The following CORIN variants were observed in gnomAD, a reference collection of about 807,000 sequenced individuals.
CORIN encodes atrial natriuretic peptide-converting enzyme.
CORIN carries 117 observed loss-of-function variants against 125.3 expected under a neutral mutation model. The observed-to-expected ratio is 0.93, with a 90% CI of 0.80 to 1.09. The LOEUF is 1.09. Among genes scored for constraint, CORIN ranks in the 50% least tolerant of loss-of-function variants. The probability of loss-of-function intolerance (pLI) is 0.00; values close to 1 mark genes in which losing one functional copy is unlikely to be tolerated. For missense variants in CORIN, 1,253 were observed against 1,306.7 expected (o/e 0.96, Z 0.63); for synonymous variants, 450 against 466.4 (o/e 0.96, Z 0.45).
At chr4:47,688,180 G>A (rs901048888) in intron 6 of CORIN, among the ~76,000 whole-genome samples, 7 of 152,114 alleles carry the variant, frequency 4.6e-5, no homozygotes, top group Non-Finnish European at 8.8e-5. Flanking sequence ...AGCTGTCTAC[G>A]CAATCCAGCT....
rs532012454 is a variant in CORIN at position 47,759,829 on chromosome 4, T to C, written c.617+3550A>G. Among the ~76,000 whole-genome samples the C allele has an allele frequency of 4.9e-4, 75 of 152,358 alleles. No homozygotes were observed. In the South Asian group the frequency reaches 5.2e-3, roughly 11 times the overall value. ...CATCCATTCAAGTTTGATCATGAGA[T>C]TGTAGCAATTCAGTCACATCTTTAG... On this transcript the variant is annotated intron_variant, in intron 4 of 21. Transcript: ENST00000273857.
chr4:47,792,707 G>C (rs1206530025), intron 2 of CORIN, among the ~76,000 whole-genome samples: 2 of 152,164 alleles, frequency 1.3e-5, no homozygotes, highest in African/African-American at 4.8e-5. Context: ...CTTGCTTCAA[G>C]TTCAAGGCTA....
chr4:47,735,777 G>A (rs1560525778), intron 5 of CORIN, among the ~76,000 whole-genome samples: 1 of 151,610 alleles, frequency 6.6e-6, no homozygotes, highest in South Asian at 2.1e-4. Flanking sequence ...AAAATTAGCC[G>A]GAAGTGGTGG....
At chr4:47,735,340 T>A (rs1356637323) in intron 5 of CORIN, among the ~76,000 whole-genome samples, 4 of 152,152 alleles carry the variant, frequency 2.6e-5, no homozygotes, top group African/African-American at 9.7e-5. Flanking sequence ...AAATATTACA[T>A]CAAACACCAA....
At position 47,623,117 on chromosome 4, in the gene CORIN, T is replaced by C. The variant is rs201663042; in HGVS notation, c.2540+454A>G. 3.1e-3 allele frequency among the ~76,000 whole-genome samples: 414 copies of C among 134,500 alleles called. 9 individuals are homozygous for C. The highest frequency in any genetic ancestry group is 0.012 in the Middle Eastern group (3 of 250). 88.2% of individuals were successfully genotyped at this position (134,500 alleles called of 152,430 possible). A position where few individuals can be genotyped will look rare whatever the true frequency, so the allele number is the denominator to read the frequency against. On this transcript the variant is annotated intron_variant, in intron 19 of 21. Coordinates refer to ENST00000273857, the MANE Select transcript of CORIN (RefSeq NM_006587.4). ...CTCTCTATATATATATATATATATA[T>C]ACACACACACACACACTCTCTCTGA...
At chr4:47,767,372 AG>A (rs149854310) in intron 3 of CORIN, among the ~76,000 whole-genome samples, 22,482 of 150,028 alleles carry the variant, frequency 0.15, 1,764 homozygotes, top group East Asian at 0.31. Flanking sequence ...AGAAAAAAAA[AG>A]AAAAATATTC....
chr4:47,787,699 AT>A (rs1419340702), intron 2 of CORIN, among the ~76,000 whole-genome samples: 1 of 152,230 alleles, frequency 6.6e-6, no homozygotes, highest in Non-Finnish European at 1.5e-5. Context: ...GATTTGTGAG[AT>A]TTTGGTGCAC....
chr4:47,679,732 TG>T (rs1158569613), intron 8 of CORIN: 1 of 157,628 alleles, frequency 6.3e-6, no homozygotes, highest in East Asian at 1.9e-4. Context: ...CTTCCACAAA[TG>T]GCCCCTGAAA....
chr4:47,829,618 G>A (rs1732890024), intron 1 of CORIN, among the ~76,000 whole-genome samples: 1 of 152,182 alleles, frequency 6.6e-6, no homozygotes, highest in Admixed American at 6.5e-5. Context: ...AGTCTTGTGG[G>A]ATCTGGCACT....
Position 47,623,575 on chromosome 4 carries a change from C to T in CORIN, c.2536G>A (p.Glu846Lys), listed in dbSNP as rs757886805. Residue 846 changes from glutamate (E) to lysine (K), a missense_variant, in exon 19 of 22, where the codon GAG (glutamate) becomes AAG (lysine). Physicochemically the swap from Glu to Lys is moderately conservative, Grantham distance 56 (BLOSUM62 1). Transcript: ENST00000273857. ...KWVLTVAHCF[E>K]GRENAAVWKV... Reference sequence around the variant, plus strand: ...AAAAGGAAAGGTGCAGCTTACCCCTCGAAGCAGTGGGCAACTGTCAGAACC... The same window carrying T: ...AAAAGGAAAGGTGCAGCTTACCCCTTGAAGCAGTGGGCAACTGTCAGAACC... 1.2e-6 allele frequency: 2 copies of T among 1,613,972 alleles called. No individual in the cohort carries two copies. Among genetic ancestry groups the T allele is most frequent in the East Asian group, 2.2e-5 (1 of 44,884 alleles).
intron 13 of CORIN, among the ~76,000 whole-genome samples, chr4:47,649,271 A>G (rs916595112): frequency 1.3e-5 from 2 of 152,170 alleles, no homozygotes; most frequent in Non-Finnish European, 2.9e-5. Context: ...AGAACATCCA[A>G]CCCAAAACCA....
chr4:47,743,712 A>G (rs7691251), intron 5 of CORIN, among the ~76,000 whole-genome samples: 22,635 of 152,104 alleles, frequency 0.15, 2,310 homozygotes, highest in African/African-American at 0.28. Context: ...TGGCGAAACC[A>G]TGTCTCTACT....
chr4:47,708,930 C>T (rs1365990229), intron 5 of CORIN, among the ~76,000 whole-genome samples: 1 of 152,178 alleles, frequency 6.6e-6, no homozygotes, highest in East Asian at 1.9e-4. Context: ...GTAAATAAAT[C>T]TGACATCAGG....
At chr4:47,816,531 A>G (rs756925736) in intron 1 of CORIN, among the ~76,000 whole-genome samples, 2 of 152,216 alleles carry the variant, frequency 1.3e-5, no homozygotes, top group Non-Finnish European at 2.9e-5. Flanking sequence ...AAGAAGATAT[A>G]CAGCTTCACA....
At chr4:47,659,098 T>C (rs1186616431) in intron 12 of CORIN, among the ~76,000 whole-genome samples, 1 of 152,210 alleles carries the variant, frequency 6.6e-6, no homozygotes, top group Non-Finnish European at 1.5e-5. Context: ...TGGGTGAACC[T>C]TTCCCCCGGT....
intron 5 of CORIN, among the ~76,000 whole-genome samples, chr4:47,712,580 G>T (rs1048453914): frequency 1.2e-4 from 19 of 152,134 alleles, no homozygotes; most frequent in African/African-American, 4.6e-4. Flanking sequence ...ACTGCACCCG[G>T]CTGACATCAT....
At chr4:47,683,189 C>A (rs1343860773) in intron 7 of CORIN, 1 of 152,162 alleles carries the variant, frequency 6.6e-6, no homozygotes, top group Non-Finnish European at 1.5e-5. Flanking sequence ...CAGAATTGGA[C>A]ATGACTCTTT....
At chr4:47,757,613 A>G (rs1294955770) in intron 4 of CORIN, among the ~76,000 whole-genome samples, 2 of 151,834 alleles carry the variant, frequency 1.3e-5, no homozygotes, top group East Asian at 1.9e-4. Context: ...ATAATAATAA[A>G]TGCCACAATA....
At position 47,674,520 on chromosome 4, in the gene CORIN, C is replaced by G; in HGVS notation, c.1250-20G>C. The G allele has an allele frequency of 6.8e-7, 1 of 1,465,840 alleles. No individual in the cohort carries two copies. Among genetic ancestry groups the G allele is most frequent in the Non-Finnish European group, 9.6e-7 (1 of 1,045,032 alleles). 90.8% of individuals were successfully genotyped at this position (1,465,840 alleles called of 1,614,324 possible). A position where few individuals can be genotyped will look rare whatever the true frequency, so the allele number is the denominator to read the frequency against. ...TCTGAACTACAGAGGGAGGAAAAGG[C>G]ACATTGGCTTTCATCATCTACAAAT... On this transcript the variant is annotated intron_variant, in intron 9 of 21. Coordinates refer to ENST00000273857, the MANE Select transcript of CORIN (RefSeq NM_006587.4).
Sources: gnomAD v4.1 joint callset for allele counts (sites outside exome capture counted in the v4.1 genomes callset) on GRCh38, gnomAD v4.1.1 for gene constraint, MANE v1.5 for transcripts, NCBI Gene and HGNC (gene_info 2026-07-23, HGNC 2026-07-21) for gene names.